COMMD10: variants seen among roughly 807,000 people sequenced by gnomAD.
The protein encoded by COMMD10 is COMM domain-containing protein 10.
COMMD10 carries 33 observed loss-of-function variants against 28.9 expected under a neutral mutation model. The ratio of observed to expected loss-of-function variants is 1.14; its 90% CI spans 0.87 to 1.53. COMMD10 has a LOEUF of 1.53. Among genes scored for constraint, COMMD10 ranks in the 40% most tolerant of loss-of-function variants. COMMD10 has a pLI of 0.00. For synonymous variants in COMMD10, 110 were observed against 81.7 expected (o/e 1.35, Z -1.87); for missense variants, 310 against 233.4 (o/e 1.33, Z -2.14).
rs1341868349 is a variant in COMMD10, at chr5:116,087,540, A to C, written c.85A>C (p.Arg29=). Residue 29 remains arginine (R), a synonymous_variant, in exon 2 of 7, where the codon AGA becomes CGA. Coordinates refer to ENST00000274458, the MANE Select transcript of COMMD10 (RefSeq NM_016144.4). ...VSLINAIDTG[R]FPRLLTRILQ... Reference sequence around the variant, plus strand: ...ACTGATAAATGCAATAGATACAGGAAGATTTCCACGGTTGCTCACTCGGAT... The same window carrying C: ...ACTGATAAATGCAATAGATACAGGACGATTTCCACGGTTGCTCACTCGGAT... 3 of 1,613,068 alleles carry C rather than the reference A, an allele frequency of 1.9e-6. No individual in the cohort carries two copies. The highest frequency in any genetic ancestry group is 2.5e-6 in the Non-Finnish European group (3 of 1,178,984).
rs561233617 is a variant in COMMD10 at position 116,142,206 on chromosome 5, T to G, written c.510+8028T>G. 1.6e-3 allele frequency among the ~76,000 whole-genome samples: 244 copies of G among 151,976 alleles called. 3 individuals carry two copies. Among genetic ancestry groups the G allele is most frequent in the African/African-American group, 5.5e-3 (228 of 41,532 alleles). ...TTTTTTCACTTAATGCTGTAACAAA[T>G]CATTTTTTATATCATTTCAAACTCA... is the stretch of plus-strand genomic sequence containing the variant. On this transcript the variant is annotated intron_variant, in intron 5 of 6. Coordinates refer to ENST00000274458, the MANE Select transcript of COMMD10 (RefSeq NM_016144.4).
intron 5 of COMMD10, among the ~76,000 whole-genome samples, chr5:116,212,090 C>G (rs1414226929): frequency 6.6e-6 from 1 of 152,116 alleles, no homozygotes; most frequent in Non-Finnish European, 1.5e-5. Flanking sequence ...TATTTTAATT[C>G]TTAATTCCTT....
chr5:116,231,757 G>C (rs1029972163), intron 5 of COMMD10, among the ~76,000 whole-genome samples: 1 of 151,804 alleles, frequency 6.6e-6, no homozygotes, highest in African/African-American at 2.4e-5. Flanking sequence ...TTATATGACT[G>C]TTATTGGCTA....
rs534155734 is a variant in COMMD10 at position 116,258,774 on chromosome 5, C to T, written c.511-32743C>T. On this transcript the variant is annotated intron_variant, in intron 5 of 6. Coordinates refer to ENST00000274458, the MANE Select transcript of COMMD10 (RefSeq NM_016144.4). ...TTTTTATCCTTGGGGTTTGATACTA[C>T]GCTAGGATGCCATATTATTAATGCT... Among the ~76,000 whole-genome samples, 51 of 151,708 alleles carry T rather than the reference C, an allele frequency of 3.4e-4. 1 individual carries two copies. Among genetic ancestry groups the T allele is most frequent in the South Asian group, 1.7e-3 (8 of 4,820 alleles).
intron 5 of COMMD10, among the ~76,000 whole-genome samples, chr5:116,225,720 C>T (rs576373253): frequency 6.6e-6 from 1 of 152,144 alleles, no homozygotes; most frequent in South Asian, 2.1e-4. Context: ...CACATCAAGC[C>T]TGTCTAGATT....
intron 5 of COMMD10, among the ~76,000 whole-genome samples, chr5:116,209,775 T>C (rs1748911824): frequency 6.6e-6 from 1 of 152,198 alleles, no homozygotes; most frequent in Non-Finnish European, 1.5e-5. Context: ...ATTTACAGTT[T>C]TTTTGGACAG....
chr5:116,279,266 A>T (rs1580607480), intron 5 of COMMD10, among the ~76,000 whole-genome samples: 1 of 151,886 alleles, frequency 6.6e-6, no homozygotes, highest in African/African-American at 2.4e-5. Flanking sequence ...CTTGAATGCT[A>T]TGCTAACAAG....
intron 4 of COMMD10, among the ~76,000 whole-genome samples, chr5:116,122,139 A>G (rs993343064): frequency 2.0e-5 from 3 of 152,214 alleles, no homozygotes; most frequent in African/African-American, 7.2e-5. Context: ...TCTGTAAGCC[A>G]TCTTGAATTA....
chr5:116,162,588 T>TATGTACATTATG (rs2112568979), intron 5 of COMMD10, among the ~76,000 whole-genome samples: 1 of 152,348 alleles, frequency 6.6e-6, no homozygotes, highest in South Asian at 2.1e-4. Flanking sequence ...TTTCTCTTTT[T>TATGTACATTATG]ATCATTTATC....
chr5:116,227,752 A>C (rs990042450), intron 5 of COMMD10, among the ~76,000 whole-genome samples: 1 of 152,050 alleles, frequency 6.6e-6, no homozygotes, highest in African/African-American at 2.4e-5. Context: ...TTCTCAGCTT[A>C]GAAGCAAGGA....
intron 5 of COMMD10, among the ~76,000 whole-genome samples, chr5:116,178,711 A>G (rs1580524362): frequency 6.6e-6 from 1 of 152,048 alleles, no homozygotes; most frequent in Non-Finnish European, 1.5e-5. Flanking sequence ...GGCCTTTTGC[A>G]GTTAGTTGAC....
intron 4 of COMMD10, among the ~76,000 whole-genome samples, chr5:116,102,437 C>T (rs572217122): frequency 1.8e-4 from 27 of 152,148 alleles, no homozygotes; most frequent in African/African-American, 6.3e-4. Flanking sequence ...ATACTAGTAC[C>T]ATGCTGTTTT....
chr5:116,202,626 C>G (rs1477317300), intron 5 of COMMD10, among the ~76,000 whole-genome samples: 1 of 151,968 alleles, frequency 6.6e-6, no homozygotes, highest in African/African-American at 2.4e-5. Flanking sequence ...TTGCATTTGT[C>G]TGATGGCCAG....
intron 4 of COMMD10, among the ~76,000 whole-genome samples, chr5:116,127,131 T>C (rs6594946): frequency 0.82 from 124,033 of 151,244 alleles, 51,001 homozygotes; most frequent in African/African-American, 0.84. Flanking sequence ...GAACAGACAC[T>C]TCTCAAAAGA....
At chr5:116,134,287 T>TA (rs1751959671) in intron 5 of COMMD10, 109 bp downstream of exon 5, 3 of 628,336 alleles carry the variant, frequency 4.8e-6, no homozygotes, top group Non-Finnish European at 8.5e-6. Context: ...ATAATTCAGT[T>TA]AAACAGTTAT....
intron 5 of COMMD10, among the ~76,000 whole-genome samples, chr5:116,150,310 T>G (rs1248240369): frequency 3.9e-5 from 6 of 152,192 alleles, no homozygotes; most frequent in Non-Finnish European, 1.5e-5. Flanking sequence ...AGCTTTTTTC[T>G]TTTTGCTTAG....
intron 4 of COMMD10, among the ~76,000 whole-genome samples, chr5:116,100,518 CTT>C (rs768113794): frequency 3.5e-4 from 47 of 132,724 alleles, no homozygotes; most frequent in Non-Finnish European, 5.9e-4. Context: ...GGTCCAGTTC[CTT>C]TTTTTTTTTT....
At chr5:116,269,720 G>A (rs1750704007) in intron 5 of COMMD10, among the ~76,000 whole-genome samples, 1 of 151,734 alleles carries the variant, frequency 6.6e-6, no homozygotes, top group African/African-American at 2.4e-5. Flanking sequence ...ACAAAAGAAA[G>A]TATTGATTTT....
chr5:116,122,373 T>C (rs896876812), intron 4 of COMMD10, among the ~76,000 whole-genome samples: 4 of 152,246 alleles, frequency 2.6e-5, no homozygotes, highest in African/African-American at 9.6e-5. Flanking sequence ...CATGCTGTTT[T>C]GGTTACTGTA....
Sources: gnomAD v4.1 joint callset for allele counts (sites outside exome capture counted in the v4.1 genomes callset) on GRCh38, gnomAD v4.1.1 for gene constraint, MANE v1.5 for transcripts, NCBI Gene and HGNC (gene_info 2026-07-23, HGNC 2026-07-21) for gene names.